NKX6-1: variants seen among roughly 807,000 people sequenced by gnomAD.
NKX6-1 encodes NK6 homeobox 1, also known as homeobox protein Nkx-6.1.
Under a neutral mutation model 24.9 loss-of-function variants are expected in NKX6-1, and 11 were observed. The observed-to-expected ratio is 0.44, with a 90% CI of 0.28 to 0.73. The LOEUF (loss-of-function observed/expected upper bound fraction) is 0.73, where lower values mean the gene tolerates loss of function less well. NKX6-1 is among the 30% of genes least tolerant of loss of function. The probability of loss-of-function intolerance (pLI) is 0.15; values close to 1 mark genes in which losing one functional copy is unlikely to be tolerated. For synonymous variants in NKX6-1, 277 were observed against 242.9 expected (o/e 1.14, Z -1.31); for missense variants, 487 against 502.9 (o/e 0.97, Z 0.30).
chr4:84,493,466 C>G lies in NKX6-1; in HGVS notation c.927G>C (p.Glu309Asp), dbSNP rs202149574. 3 of 1,614,266 alleles carry G rather than the reference C, an allele frequency of 1.9e-6. No homozygotes were observed. Among genetic ancestry groups the G allele is most frequent in the Non-Finnish European group, 2.5e-6 (3 of 1,180,052 alleles). Residue 309 changes from glutamate (E) to aspartate (D), a missense_variant, in exon 3 of 3, where the codon GAG (glutamate) becomes GAC (aspartate). Physicochemically the swap from Glu to Asp is conservative, Grantham distance 45. Transcript: ENST00000295886. The surrounding 1 kb of genome is among the most constrained non-coding windows in gnomAD (Gnocchi z 5.1). ...MATAKKKQDS[E>D]TERLKGASEN... is the part of the protein sequence containing the mutation. ...CCGAGGCCCCCTTGAGGCGCTCTGT[C>G]TCCGAGTCCTGCTTCTTCTTGGCCG... is the stretch of plus-strand genomic sequence containing the variant.
rs1720755093 is a variant in NKX6-1 at position 84,493,114 on chromosome 4, T to C, written c.*175A>G. On this transcript the variant is annotated 3_prime_UTR_variant, in exon 3 of 3. Coordinates refer to ENST00000295886, the MANE Select transcript of NKX6-1 (RefSeq NM_006168.3). This position sits in a 1 kb window ranked among gnomAD's most constrained non-coding sequence, Gnocchi z 5.1. ...CTCCCCTACATCCCCTCCCACAACT[T>C]CAAGGTTAAAAAAATAGATATGTAC... The C allele has an allele frequency of 2.0e-6, 1 of 503,816 alleles. No individual in the cohort carries two copies. 31.2% of individuals were successfully genotyped at this position (503,816 alleles called of 1,614,324 possible). A position where few individuals can be genotyped will look rare whatever the true frequency, so the allele number is the denominator to read the frequency against.
chr4:84,494,499 G>A (rs3756004), intron 2 of NKX6-1, among the ~76,000 whole-genome samples: 3,597 of 152,250 alleles, frequency 0.024, 65 homozygotes, highest in South Asian at 0.045. Flanking sequence ...CCTCCATTAT[G>A]TATTTTATCT....
In NKX6-1 at chr4:84,497,159, G is replaced by A. The variant is rs1057400474; in HGVS notation, c.670+400C>T. Among the ~76,000 whole-genome samples the A allele has an allele frequency of 6.6e-6, 1 of 152,166 alleles. No homozygotes were observed. The highest frequency in any genetic ancestry group is 2.4e-5 in the African/African-American group (1 of 41,454). ...ACGACAGGGAGGAGCCGGGAAAGCA[G>A]AGATGCAGTGGCCTCTCCTCCCCTC... On this transcript the variant is annotated intron_variant, in intron 1 of 2. Transcript: ENST00000295886. The surrounding 1 kb of genome is among the most constrained non-coding windows in gnomAD (Gnocchi z 4.8).
Position 84,497,893 on chromosome 4 carries a change from C to T in NKX6-1, c.336G>A (p.Gly112=), listed in dbSNP as rs754697787. ...AGGGCGAGGCGGAGGGCAGGGCGGC[C>T]CCCGAGGCCACGGGCATGGAGGGCC... ...LSRPSMPVAS[G]AALPSASPSG... Residue 112 remains glycine (G), a synonymous_variant, in exon 1 of 3, where the codon GGG becomes GGA. Coordinates refer to ENST00000295886, the MANE Select transcript of NKX6-1 (RefSeq NM_006168.3). The surrounding 1 kb of genome is among the most constrained non-coding windows in gnomAD (Gnocchi z 4.8). 1.6e-6 allele frequency: 2 copies of T among 1,285,036 alleles called. No homozygotes were observed. The highest frequency in any genetic ancestry group is 5.8e-5 in the East Asian group (2 of 34,310). The allele number at this position is 1,285,036 out of a possible 1,614,324, so 79.6% of individuals were successfully genotyped here.
rs577066425 is a variant in NKX6-1, at chr4:84,498,989, G to T, written c.-761C>A. Among the ~76,000 whole-genome samples the T allele has an allele frequency of 4.1e-4, 63 of 152,342 alleles. No homozygotes were observed. The East Asian group carries it at 0.011, about 26-fold the overall frequency. On this transcript the variant is annotated 5_prime_UTR_variant, in exon 1 of 3. Coordinates refer to ENST00000295886, the MANE Select transcript of NKX6-1 (RefSeq NM_006168.3). Reference sequence around the variant, plus strand: ...TTGCAATATTGAAAAGAAAAAGGGGGAGGAAAAACACAGAAAAACAAAAGA... The same window carrying T: ...TTGCAATATTGAAAAGAAAAAGGGGTAGGAAAAACACAGAAAAACAAAAGA...
Position 84,497,528 on chromosome 4 carries a change from C to T in NKX6-1, c.670+31G>A, listed in dbSNP as rs1481121336. The T allele has an allele frequency of 4.9e-5, 61 of 1,253,448 alleles. No homozygotes were observed. Among genetic ancestry groups the T allele is most frequent in the Non-Finnish European group, 6.1e-5 (60 of 991,494 alleles). 77.6% of individuals were successfully genotyped at this position (1,253,448 alleles called of 1,614,324 possible). On this transcript the variant is annotated intron_variant, in intron 1 of 2. Coordinates refer to ENST00000295886, the MANE Select transcript of NKX6-1 (RefSeq NM_006168.3). This position sits in a 1 kb window ranked among gnomAD's most constrained non-coding sequence, Gnocchi z 4.8. Reference sequence around the variant, plus strand: ...GAGTGGGCAGAACAGGCACGGCAGGCAGGCATCGGGGCGCGGGTGGTAGTA... The same window carrying T: ...GAGTGGGCAGAACAGGCACGGCAGGTAGGCATCGGGGCGCGGGTGGTAGTA...
intron 1 of NKX6-1, chr4:84,496,899 G>A (rs1222631328): frequency 6.6e-6 from 1 of 152,488 alleles, no homozygotes; most frequent in Non-Finnish European, 1.5e-5. Flanking sequence ...CAGCGCTGGT[G>A]AGCGGCTGGA....
chr4:84,495,279 A>T (rs1305427680), intron 2 of NKX6-1, among the ~76,000 whole-genome samples: 1 of 152,226 alleles, frequency 6.6e-6, no homozygotes, highest in East Asian at 1.9e-4. Flanking sequence ...GCCTGAATTG[A>T]CAAACAAAAA....
At chr4:84,495,581 T>C in intron 2 of NKX6-1, 91 bp downstream of exon 2, 2 of 1,076,738 alleles carry the variant, frequency 1.9e-6, no homozygotes, top group South Asian at 3.2e-5. Context: ...TTTGTTAGTT[T>C]GGGGTGTGTG....
In NKX6-1 at chr4:84,493,334, G is replaced by C. The variant is rs1426092439; in HGVS notation, c.1059C>G (p.Gly353=). The change falls in exon 3 of 3, where the codon GGC becomes GGG. Residue 353 remains glycine (G), a synonymous_variant. Transcript: ENST00000295886. The surrounding 1 kb of genome is among the most constrained non-coding windows in gnomAD (Gnocchi z 5.1). ...CGGACGCGTGCAGTAGGAGGCCGCC[G>C]CCGCCGCCGCTGCTGGACTTGTGCT... ...LKKHKSSSGG[G]GGLLLHASEP... 1 of 1,611,776 alleles carries C rather than the reference G, an allele frequency of 6.2e-7. No individual in the cohort carries two copies. Among genetic ancestry groups the C allele is most frequent in the Admixed American group, 1.7e-5 (1 of 59,892 alleles).
Position 84,494,174 on chromosome 4 carries a change from CAAAAAAAAA to C in NKX6-1, c.844-634_844-626del, listed in dbSNP as rs34303850. 1.1e-4 allele frequency among the ~76,000 whole-genome samples: 12 copies of C among 107,580 alleles called. No homozygotes were observed. In the East Asian group the frequency reaches 3.1e-3, roughly 28 times the overall value. 70.6% of individuals were successfully genotyped at this position (107,580 alleles called of 152,430 possible). A position where few individuals can be genotyped will look rare whatever the true frequency, so the allele number is the denominator to read the frequency against. On this transcript the variant is annotated intron_variant, in intron 2 of 2. Transcript: ENST00000295886. ...TTTACTTGCAATGTATGGTGCACTT[CAAAAAAAAA>C]AAAAAAAAGATCTGTTAAAATACAA...
At position 84,498,180 on chromosome 4, in the gene NKX6-1, G is replaced by A; in HGVS notation, c.49C>T (p.Leu17Phe). The A allele has an allele frequency of 7.7e-7, 1 of 1,297,396 alleles. No homozygotes were observed. The highest frequency in any genetic ancestry group is 9.8e-7 in the Non-Finnish European group (1 of 1,022,480). 80.4% of individuals were successfully genotyped at this position (1,297,396 alleles called of 1,614,324 possible). A position where few individuals can be genotyped will look rare whatever the true frequency, so the allele number is the denominator to read the frequency against. Residue 17 changes from leucine to phenylalanine, a missense_variant, in exon 1 of 3, where the codon CTC (leucine) becomes TTC (phenylalanine). This residue lies in a region of NKX6-1 where 316 missense variants were observed against 311.4 expected (regional missense o/e 1.01). Coordinates refer to ENST00000295886, the MANE Select transcript of NKX6-1 (RefSeq NM_006168.3). ...AGGGCGGCCAGGGGAGGGCTGCTGA[G>A]CAGGAATGCGCTCTGCCGGGTGCCC... ...MEGTRQSAFL[L>F]SSPPLAALHS...
chr4:84,496,208 T>C (rs1382832877), intron 1 of NKX6-1, among the ~76,000 whole-genome samples: 1 of 151,786 alleles, frequency 6.6e-6, no homozygotes, highest in Non-Finnish European at 1.5e-5. Flanking sequence ...TCGGTGCTCG[T>C]TCGGCCCCGG....
rs111907596 is a variant in NKX6-1, at chr4:84,493,280, C to A, written c.*9G>T. 7.2e-7 allele frequency: 1 copy of A among 1,380,238 alleles called. No individual in the cohort carries two copies. Among genetic ancestry groups the A allele is most frequent in the Non-Finnish European group, 9.3e-7 (1 of 1,071,948 alleles). The allele number at this position is 1,380,238 out of a possible 1,614,324, so 85.5% of individuals were successfully genotyped here. A position where few individuals can be genotyped will look rare whatever the true frequency, so the allele number is the denominator to read the frequency against. ...GCCGGAGCCGGGAAGGTGCGGCGGG[C>A]GGCGGCGTTCAGGATGAGCTCTCCG... is the stretch of plus-strand genomic sequence containing the variant. On this transcript the variant is annotated 3_prime_UTR_variant, in exon 3 of 3. Transcript: ENST00000295886. The surrounding 1 kb of genome is among the most constrained non-coding windows in gnomAD (Gnocchi z 5.1).
chr4:84,499,102 C>A lies in NKX6-1; in HGVS notation c.-874G>T, dbSNP rs374278363. On this transcript the variant is annotated 5_prime_UTR_variant, in exon 1 of 3. Coordinates refer to ENST00000295886, the MANE Select transcript of NKX6-1 (RefSeq NM_006168.3). The stretch of plus-strand genomic sequence containing the variant: ...GGCCCGGCGACCCCCGCCCCACCCC[C>A]GCTCCCTCTCTCCCTCTCACTCTCA... Among the ~76,000 whole-genome samples, 25 of 152,348 alleles carry A rather than the reference C, an allele frequency of 1.6e-4. No individual in the cohort carries two copies. The South Asian group carries it at 2.1e-3, about 13-fold the overall frequency.
At position 84,498,123 on chromosome 4, in the gene NKX6-1, A is replaced by G. The variant is rs1471683464; in HGVS notation, c.106T>C (p.Tyr36His). The change falls in exon 1 of 3, where the codon TAC becomes CAC. Residue 36 changes from tyrosine (Y) to histidine (H), a missense_variant. Physicochemically the swap from Tyr to His is moderately conservative, Grantham distance 83 (BLOSUM62 2). This residue lies in a region of NKX6-1 where 316 missense variants were observed against 311.4 expected (regional missense o/e 1.01). Transcript: ENST00000295886. ...GGCAGCGGGGGATACGCGGCAGGGT[A>G]CAGCGGGGTCTTCATCTCGGCCATG... is the stretch of plus-strand genomic sequence containing the variant. ...HSMAEMKTPL[Y>H]PAAYPPLPAG... 30 of 1,287,962 alleles carry G rather than the reference A, an allele frequency of 2.3e-5. No homozygotes were observed. The highest frequency in any genetic ancestry group is 2.7e-5 in the Non-Finnish European group (28 of 1,018,276). The allele number at this position is 1,287,962 out of a possible 1,614,324, so 79.8% of individuals were successfully genotyped here.
Position 84,495,874 on chromosome 4 carries a change from G to C in NKX6-1, c.671-30C>G, listed in dbSNP as rs377014443. 40 of 1,609,732 alleles carry C rather than the reference G, an allele frequency of 2.5e-5. No homozygotes were observed. The African/African-American group carries it at 4.8e-4, about 19-fold the overall frequency. Reference sequence around the variant, plus strand: ...GAGAACCAATAAACAACGAGAGAGGGGGAAAAACAATCGGTTACAAGCGGC... The same window carrying C: ...GAGAACCAATAAACAACGAGAGAGGCGGAAAAACAATCGGTTACAAGCGGC... On this transcript the variant is annotated intron_variant, in intron 1 of 2. Coordinates refer to ENST00000295886, the MANE Select transcript of NKX6-1 (RefSeq NM_006168.3).
At chr4:84,496,975 G>C (rs1553928346) in intron 1 of NKX6-1, 1 of 152,452 alleles carries the variant, frequency 6.6e-6, no homozygotes, top group Non-Finnish European at 1.5e-5. Context: ...GAGTGTACTC[G>C]GGCGGCGAGG....
In NKX6-1 at chr4:84,498,359, C is replaced by G; in HGVS notation, c.-131G>C. On this transcript the variant is annotated 5_prime_UTR_variant, in exon 1 of 3. Transcript: ENST00000295886. ...CTCGGCGCGCCCGGAGGCGAGCTGC[C>G]AACTGAACCAAAAATGCCGCTGCCG... 1 of 1,032,998 alleles carries G rather than the reference C, an allele frequency of 9.7e-7. No individual in the cohort carries two copies. Among genetic ancestry groups the G allele is most frequent in the African/African-American group, 1.6e-5 (1 of 60,812 alleles). 64.0% of individuals were successfully genotyped at this position (1,032,998 alleles called of 1,614,324 possible).
Sources: allele counts gnomAD v4.1 joint callset (sites outside exome capture counted in the v4.1 genomes callset), GRCh38; gene constraint gnomAD v4.1.1; regional missense constraint gnomAD v4.1.1; non-coding constraint Gnocchi (gnomAD v3.1); transcripts MANE v1.5; gene names NCBI Gene and HGNC (gene_info 2026-07-23, HGNC 2026-07-21).